The following THNSL1 variants were observed in gnomAD, a reference collection of about 807,000 sequenced individuals.
THNSL1 encodes threonine synthase like 1.
A neutral mutation model predicts 50.4 loss-of-function variants in THNSL1; 48 were observed. That is an observed-to-expected ratio of 0.95 (90% CI 0.76 to 1.21). THNSL1 has a LOEUF of 1.21. Ranked by LOEUF, THNSL1 falls within the 50% of genes most tolerant of loss-of-function variation. The probability of loss-of-function intolerance (pLI) is 0.00; values close to 1 mark genes in which losing one functional copy is unlikely to be tolerated. For synonymous variants in THNSL1, 309 were observed against 306.1 expected, an observed-to-expected ratio of 1.01 and a Z score of -0.10; for missense variants, 896 against 871.7, an observed-to-expected ratio of 1.03 and a Z score of -0.35.
the THNSL1 span, chr10:24,995,958 T>C: frequency 9.6e-7 from 1 of 1,044,070 alleles, no homozygotes; most frequent in Non-Finnish European, 1.4e-6. Context: ...TCACCACTTG[T>C]ATATTGAAGT....
chr10:25,017,181 A>G (rs1264893478), intron 1 of THNSL1, among the ~76,000 whole-genome samples: 1 of 152,196 alleles, frequency 6.6e-6, no homozygotes, highest in Non-Finnish European at 1.5e-5. Context: ...GAAGCCTTTT[A>G]AGTGGGCCTT....
At chr10:25,001,236 G>A in the THNSL1 span, among the ~76,000 whole-genome samples, 98 of 151,606 alleles carry the variant, frequency 6.5e-4, no homozygotes, top group African/African-American at 2.2e-3. Context: ...GGCTTCCATC[G>A]TTTCTAAAGA....
chr10:25,017,331 C>T (rs1850622981), intron 1 of THNSL1, among the ~76,000 whole-genome samples: 1 of 152,084 alleles, frequency 6.6e-6, no homozygotes, highest in Non-Finnish European at 1.5e-5. Context: ...GACGCTTTTA[C>T]CCGAGTGTTT....
chr10:24,962,131 A>T, the THNSL1 span, among the ~76,000 whole-genome samples: 1 of 152,194 alleles, frequency 6.6e-6, no homozygotes, highest in Non-Finnish European at 1.5e-5. Context: ...TAAACCTACA[A>T]TCTGTAAAAG....
the THNSL1 span, among the ~76,000 whole-genome samples, chr10:24,994,186 A>G: frequency 2.0e-5 from 3 of 152,058 alleles, no homozygotes; most frequent in African/African-American, 7.2e-5. Flanking sequence ...AGGTCCCTGT[A>G]CATCACTATT....
chr10:24,965,805 A>G, the THNSL1 span, among the ~76,000 whole-genome samples: 1 of 152,206 alleles, frequency 6.6e-6, no homozygotes, highest in Admixed American at 6.5e-5. Context: ...TCGTGGGCCT[A>G]TAAACTTGCT....
At chr10:25,005,698 C>T in the THNSL1 span, among the ~76,000 whole-genome samples, 1 of 152,182 alleles carries the variant, frequency 6.6e-6, no homozygotes, top group South Asian at 2.1e-4. Flanking sequence ...AGGCTCATGT[C>T]TATATCAAGT....
the THNSL1 span, among the ~76,000 whole-genome samples, chr10:25,006,169 C>T: frequency 2.6e-5 from 4 of 152,254 alleles, no homozygotes; most frequent in African/African-American, 9.6e-5. Context: ...CAGATAGCTG[C>T]ACACCCAGAG....
chr10:24,965,627 C>T, the THNSL1 span, among the ~76,000 whole-genome samples: 2 of 152,210 alleles, frequency 1.3e-5, no homozygotes, highest in East Asian at 3.9e-4. Context: ...GGAATATTGG[C>T]GAGGATTCCT....
the THNSL1 span, among the ~76,000 whole-genome samples, chr10:24,975,885 CTT>C: frequency 6.6e-6 from 1 of 152,170 alleles, no homozygotes; most frequent in Non-Finnish European, 1.5e-5. Flanking sequence ...AAAGATAAGA[CTT>C]GATAGAATTT....
the THNSL1 span, among the ~76,000 whole-genome samples, chr10:25,008,060 A>C: frequency 2.7e-5 from 4 of 150,762 alleles, no homozygotes; most frequent in Admixed American, 1.3e-4. Context: ...GACAAAATGT[A>C]AGAGATGAAG....
rs776547470 is a variant in THNSL1, at chr10:25,023,403, G to T, written c.180G>T (p.Leu60=). 6.8e-6 allele frequency: 11 copies of T among 1,614,038 alleles called. No homozygotes were observed. The East Asian group carries it at 2.2e-4, about 33-fold the overall frequency. ...TTGTTGGAGACAAAAATATTATCCTGATGGGACCTCCTGGTGCTGGGAAAA... is the reference window on the plus strand; with the variant it reads ...TTGTTGGAGACAAAAATATTATCCTTATGGGACCTCCTGGTGCTGGGAAAA... The part of the protein sequence containing the change: ...HSLVGDKNII[L]MGPPGAGKTT... Residue 60 remains leucine, a synonymous_variant, in exon 3 of 3, where the codon CTG becomes CTT. Transcript: ENST00000376356.
chr10:24,990,890 A>G, the THNSL1 span, among the ~76,000 whole-genome samples: 1 of 152,176 alleles, frequency 6.6e-6, no homozygotes, highest in Non-Finnish European at 1.5e-5. Context: ...ACTTGAGGTC[A>G]GGAGTTCGAG....
At chr10:24,998,498 C>G in the THNSL1 span, among the ~76,000 whole-genome samples, 1 of 151,976 alleles carries the variant, frequency 6.6e-6, no homozygotes, top group Non-Finnish European at 1.5e-5. Flanking sequence ...CATCAGCCTC[C>G]AGAGTAGTGA....
chr10:24,990,758 T>TG, the THNSL1 span: 1 of 763,898 alleles, frequency 1.3e-6, no homozygotes, highest in South Asian at 2.4e-5. Flanking sequence ...CAGTGACTTT[T>TG]TTCCCTCCAT....
chr10:24,978,938 T>A, the THNSL1 span, among the ~76,000 whole-genome samples: 1 of 152,222 alleles, frequency 6.6e-6, no homozygotes, highest in East Asian at 1.9e-4. Flanking sequence ...GTTACATAAC[T>A]TGCTGTCAGT....
chr10:25,007,126 C>G, the THNSL1 span, among the ~76,000 whole-genome samples: 5 of 152,160 alleles, frequency 3.3e-5, no homozygotes, highest in Non-Finnish European at 2.9e-5. Flanking sequence ...TTTGAGTCAT[C>G]ATGTCTAGAC....
At chr10:24,995,821 T>TC in the THNSL1 span, 1 of 1,613,754 alleles carries the variant, frequency 6.2e-7, no homozygotes, top group Admixed American at 1.7e-5. Context: ...ATGATCAGTC[T>TC]TCAATGGCAC....
At chr10:24,999,468 T>C in the THNSL1 span, 1 of 1,613,476 alleles carries the variant, frequency 6.2e-7, no homozygotes, top group Non-Finnish European at 8.5e-7. Flanking sequence ...CTTCAACTTT[T>C]GCTGGTCCCA....
Sources: allele counts gnomAD v4.1 joint callset (sites outside exome capture counted in the v4.1 genomes callset), GRCh38; gene constraint gnomAD v4.1.1; transcripts MANE v1.5; gene names NCBI Gene and HGNC (gene_info 2026-07-23, HGNC 2026-07-21).